MAML2: variants seen among roughly 807,000 people sequenced by gnomAD.
The protein encoded by MAML2 is mastermind like transcriptional coactivator 2.
A neutral mutation model predicts 96.1 loss-of-function variants in MAML2; 22 were observed. That is an observed-to-expected ratio of 0.23 (90% CI 0.16 to 0.33). The LOEUF is 0.33. MAML2 is among the 10% of genes least tolerant of loss of function. MAML2 has a pLI of 1.00. For missense variants in MAML2, 1,367 were observed against 1,392.4 expected (o/e 0.98, Z 0.29); for synonymous variants, 561 against 521.3 (o/e 1.08, Z -1.04).
chr11:96,306,507 T>C lies in MAML2; in HGVS notation c.513+34876A>G, dbSNP rs182232686. Among the ~76,000 whole-genome samples, 270 of 152,328 alleles carry C rather than the reference T, an allele frequency of 1.8e-3. 1 individual carries two copies. The highest frequency in any genetic ancestry group is 2.4e-3 in the Non-Finnish European group (165 of 68,038). ...TTTTCCTTTATGTGGATCTATGTAT[T>C]AATTTTTCATAAAACCTCAAAGAAA... On this transcript the variant is annotated intron_variant, in intron 1 of 4. Transcript: ENST00000524717.
intron 1 of MAML2, among the ~76,000 whole-genome samples, chr11:96,178,656 A>AAGCC (rs1861432242): frequency 6.6e-6 from 1 of 152,170 alleles, no homozygotes; most frequent in Non-Finnish European, 1.5e-5. Flanking sequence ...AGCTTTAATC[A>AAGCC]AGCTTGATTG....
At chr11:96,064,238 T>C (rs1859211288) in intron 2 of MAML2, among the ~76,000 whole-genome samples, 1 of 152,196 alleles carries the variant, frequency 6.6e-6, no homozygotes. Flanking sequence ...TAATGAACCA[T>C]CTGTGTTCCT....
chr11:96,182,701 G>C (rs1159115202), intron 1 of MAML2, among the ~76,000 whole-genome samples: 1 of 152,136 alleles, frequency 6.6e-6, no homozygotes, highest in African/African-American at 2.4e-5. Flanking sequence ...TAAGTAGCTT[G>C]CACAAGTCCA....
intron 1 of MAML2, among the ~76,000 whole-genome samples, chr11:96,127,097 G>C (rs540561955): frequency 6.6e-6 from 1 of 151,282 alleles, no homozygotes; most frequent in South Asian, 2.1e-4. Flanking sequence ...AGTTCAGCTT[G>C]AAAGGTGCAG....
chr11:96,193,144 G>A (rs772708767), intron 1 of MAML2, among the ~76,000 whole-genome samples: 82 of 152,272 alleles, frequency 5.4e-4, no homozygotes, highest in African/African-American at 7.0e-4. Flanking sequence ...TGAGGTGGGC[G>A]GATCACAAGG....
chr11:96,256,974 C>T (rs898639820), intron 1 of MAML2, among the ~76,000 whole-genome samples: 5 of 152,246 alleles, frequency 3.3e-5, no homozygotes, highest in Admixed American at 2.6e-4. Context: ...TAGAAAAATG[C>T]TACAAGAAAA....
At chr11:95,997,908 T>C (rs1262172664) in intron 2 of MAML2, among the ~76,000 whole-genome samples, 3 of 152,090 alleles carry the variant, frequency 2.0e-5, no homozygotes, top group African/African-American at 7.2e-5. Flanking sequence ...CTCAAATCAG[T>C]AGTGAAGATC....
chr11:96,183,398 C>A (rs559296059), intron 1 of MAML2, among the ~76,000 whole-genome samples: 12 of 68,960 alleles, frequency 1.7e-4, no homozygotes, highest in East Asian at 1.7e-3. Context: ...GTTCCTCCCC[C>A]CCCCCCCTTT....
At chr11:96,112,797 T>C (rs1860152540) in intron 1 of MAML2, among the ~76,000 whole-genome samples, 1 of 152,256 alleles carries the variant, frequency 6.6e-6, no homozygotes, top group African/African-American at 2.4e-5. Context: ...GACTCATTAC[T>C]TTTTGTGATA....
chr11:96,306,710 A>G (rs1045921137), intron 1 of MAML2, among the ~76,000 whole-genome samples: 2 of 152,078 alleles, frequency 1.3e-5, no homozygotes, highest in Non-Finnish European at 2.9e-5. Flanking sequence ...CACCAAATCA[A>G]CTTGGCCTGT....
chr11:96,111,502 G>T lies in MAML2; in HGVS notation c.514-17985C>A, dbSNP rs149074888. Among the ~76,000 whole-genome samples the T allele has an allele frequency of 3.6e-3, 544 of 152,268 alleles. 6 individuals are homozygous for T. Among genetic ancestry groups the T allele is most frequent in the African/African-American group, 0.012 (506 of 41,552 alleles). On this transcript the variant is annotated intron_variant, in intron 1 of 4. Coordinates refer to ENST00000524717, the MANE Select transcript of MAML2 (RefSeq NM_032427.4). Reference sequence around the variant, plus strand: ...ACTCAGATCTCTCTAATCACAGTTTGGAATTCACCTGAATTTCCCTGCTGG... The same window carrying T: ...ACTCAGATCTCTCTAATCACAGTTTTGAATTCACCTGAATTTCCCTGCTGG...
At chr11:95,980,939 A>C (rs1591075357) in intron 4 of MAML2, among the ~76,000 whole-genome samples, 1 of 152,284 alleles carries the variant, frequency 6.6e-6, no homozygotes, top group East Asian at 1.9e-4. Context: ...TCCTGGATGA[A>C]GACCGCTTCC....
chr11:96,110,442 C>G (rs1290755609), intron 1 of MAML2, among the ~76,000 whole-genome samples: 1 of 152,212 alleles, frequency 6.6e-6, no homozygotes, highest in Non-Finnish European at 1.5e-5. Context: ...TCCTCCTTTT[C>G]TCTATCCCAA....
chr11:96,260,245 AG>A (rs1862729262), intron 1 of MAML2, among the ~76,000 whole-genome samples: 1 of 152,094 alleles, frequency 6.6e-6, no homozygotes, highest in Non-Finnish European at 1.5e-5. Flanking sequence ...GTAGAGCAGA[AG>A]AAAAAAGAAG....
intron 1 of MAML2, among the ~76,000 whole-genome samples, chr11:96,141,929 G>C (rs760327555): frequency 6.6e-6 from 1 of 152,206 alleles, no homozygotes; most frequent in African/African-American, 2.4e-5. Context: ...GGCAGGATGA[G>C]AGAAAACTAG....
chr11:96,184,239 G>A (rs1023738345), intron 1 of MAML2, among the ~76,000 whole-genome samples: 3 of 152,128 alleles, frequency 2.0e-5, no homozygotes, highest in Non-Finnish European at 2.9e-5. Flanking sequence ...TCAGGAGTTC[G>A]AGACCAGCCT....
chr11:96,330,046 T>A (rs1271094757), intron 1 of MAML2, among the ~76,000 whole-genome samples: 1 of 152,248 alleles, frequency 6.6e-6, no homozygotes, highest in Non-Finnish European at 1.5e-5. Flanking sequence ...AACCCTTTTC[T>A]ATTTTAAGGG....
chr11:96,040,538 G>A lies in MAML2; in HGVS notation c.2140-48815C>T, dbSNP rs183045170. On this transcript the variant is annotated intron_variant, in intron 2 of 4. Transcript: ENST00000524717. The stretch of plus-strand genomic sequence containing the variant: ...TCCCAGCACTTTGGGAGGCCGAGGC[G>A]GGTGGATCACCTGAGGTCAGGAGTT... Among the ~76,000 whole-genome samples, 462 of 152,104 alleles carry A rather than the reference G, an allele frequency of 3.0e-3. 2 individuals carry two copies. The highest frequency in any genetic ancestry group is 0.01 in the African/African-American group (435 of 41,482).
intron 1 of MAML2, among the ~76,000 whole-genome samples, chr11:96,190,904 A>G (rs1259158621): frequency 6.6e-6 from 1 of 152,228 alleles, no homozygotes; most frequent in Non-Finnish European, 1.5e-5. Context: ...ATACTAGTCA[A>G]TCAATGTAGC....
Sources: allele counts gnomAD v4.1 joint callset (sites outside exome capture counted in the v4.1 genomes callset), GRCh38; gene constraint gnomAD v4.1.1; transcripts MANE v1.5; gene names NCBI Gene and HGNC (gene_info 2026-07-23, HGNC 2026-07-21).